Variants in RBFOX1 observed in about 807,000 individuals in gnomAD.
RBFOX1 encodes the protein RNA binding fox-1 homolog 1.
A neutral mutation model predicts 57.7 loss-of-function variants in RBFOX1; 8 were observed. The ratio of observed to expected loss-of-function variants is 0.14; its 90% CI spans 0.08 to 0.25. The LOEUF is 0.25. Ranked by LOEUF, RBFOX1 falls within the 10% of genes least tolerant of loss-of-function variation. The pLI, the probability that RBFOX1 is intolerant of heterozygous loss-of-function variation, is 1.00. For missense variants in RBFOX1, 611 were observed against 548.5 expected, an observed-to-expected ratio of 1.11 and a Z score of -1.14; for synonymous variants, 326 against 222.4, an observed-to-expected ratio of 1.47 and a Z score of -4.15.
intron 3 of RBFOX1, among the ~76,000 whole-genome samples, chr16:5,731,370 C>T (rs143539009): frequency 6.6e-6 from 1 of 152,190 alleles, no homozygotes; most frequent in East Asian, 1.9e-4. Flanking sequence ...TTCATATTTA[C>T]AAAGTACTTT....
chr16:6,964,703 G>T (rs114162311), intron 3 of RBFOX1, among the ~76,000 whole-genome samples: 483 of 152,278 alleles, frequency 3.2e-3, no homozygotes, highest in African/African-American at 0.011. Flanking sequence ...ATCACAAAGG[G>T]TGTCTCTGAT....
chr16:7,098,908 A>G (rs1427820505), intron 4 of RBFOX1, among the ~76,000 whole-genome samples: 1 of 152,172 alleles, frequency 6.6e-6, no homozygotes, highest in African/African-American at 2.4e-5. Context: ...CATCTTTAAA[A>G]TGGGACTGTT....
chr16:6,234,614 A>G (rs527472909), intron 1 of RBFOX1, among the ~76,000 whole-genome samples: 12 of 152,292 alleles, frequency 7.9e-5, no homozygotes, highest in Admixed American at 2.0e-4. Context: ...CTGGAGAATA[A>G]TGACTCTCAG....
chr16:6,788,621 G>T (rs2082371715), intron 3 of RBFOX1, among the ~76,000 whole-genome samples: 1 of 151,872 alleles, frequency 6.6e-6, no homozygotes, highest in African/African-American at 2.4e-5. Context: ...AACTACAGGT[G>T]CCTACGACCA....
At chr16:5,790,335 G>T (rs1364842318) in intron 3 of RBFOX1, among the ~76,000 whole-genome samples, 1 of 152,134 alleles carries the variant, frequency 6.6e-6, no homozygotes, top group Admixed American at 6.5e-5. Context: ...GCCAGAGGGA[G>T]AAACCCCTGC....
intron 3 of RBFOX1, among the ~76,000 whole-genome samples, chr16:6,826,181 C>T (rs1486517700): frequency 6.6e-6 from 1 of 152,044 alleles, no homozygotes; most frequent in Non-Finnish European, 1.5e-5. Flanking sequence ...ATCGTCGCCA[C>T]GTAGGTTGTA....
chr16:6,370,222 G>T (rs914999343), intron 2 of RBFOX1, among the ~76,000 whole-genome samples: 1 of 151,770 alleles, frequency 6.6e-6, no homozygotes, highest in Non-Finnish European at 1.5e-5. Flanking sequence ...GCTGGGCGGG[G>T]TGGCGGGCGG....
intron 4 of RBFOX1, among the ~76,000 whole-genome samples, chr16:7,263,295 G>C (rs969870387): frequency 6.6e-6 from 1 of 152,156 alleles, no homozygotes; most frequent in Non-Finnish European, 1.5e-5. Flanking sequence ...AAGATGCTTT[G>C]AAAGACCTGT....
At chr16:5,335,056 G>A (rs907158057) in intron 1 of RBFOX1, among the ~76,000 whole-genome samples, 12 of 152,120 alleles carry the variant, frequency 7.9e-5, no homozygotes, top group African/African-American at 2.9e-4. Context: ...AAAAAAAGTT[G>A]TTTCAATTTC....
chr16:5,650,163 A>G (rs558300068), intron 3 of RBFOX1, among the ~76,000 whole-genome samples: 9 of 152,134 alleles, frequency 5.9e-5, no homozygotes, highest in African/African-American at 1.7e-4. Context: ...CCCACCCCCA[A>G]CTCCTGGTGA....
At chr16:6,036,153 T>C (rs2095362563) in intron 1 of RBFOX1, among the ~76,000 whole-genome samples, 1 of 152,092 alleles carries the variant, frequency 6.6e-6, no homozygotes, top group Non-Finnish European at 1.5e-5. Flanking sequence ...ACTGAGACAA[T>C]TCCCTCAGCA....
intron 3 of RBFOX1, among the ~76,000 whole-genome samples, chr16:5,626,509 T>A (rs894666856): frequency 1.9e-4 from 29 of 152,190 alleles, no homozygotes; most frequent in African/African-American, 6.8e-4. Flanking sequence ...GTTAGGACTT[T>A]AACATATGAA....
At chr16:7,448,802 T>G (rs1403518029) in intron 4 of RBFOX1, among the ~76,000 whole-genome samples, 1 of 152,156 alleles carries the variant, frequency 6.6e-6, no homozygotes, top group Non-Finnish European at 1.5e-5. Flanking sequence ...CTAATCTTCT[T>G]GTAAGGGCAC....
intron 3 of RBFOX1, among the ~76,000 whole-genome samples, chr16:6,842,146 AAAAAAT>A (rs1322300228): frequency 2.9e-5 from 4 of 139,568 alleles, no homozygotes; most frequent in South Asian, 4.4e-4. Flanking sequence ...GTCTCAGAAA[AAAAAAT>A]AAAAAATAAA....
intron 3 of RBFOX1, among the ~76,000 whole-genome samples, chr16:6,909,822 C>G (rs1487610344): frequency 1.3e-5 from 2 of 152,126 alleles, no homozygotes; most frequent in Non-Finnish European, 2.9e-5. Context: ...TGATCTAAAG[C>G]AAGGTGTGCA....
At chr16:7,626,460 G>A (rs1198737816) in intron 10 of RBFOX1, among the ~76,000 whole-genome samples, 2 of 152,176 alleles carry the variant, frequency 1.3e-5, no homozygotes, top group Admixed American at 6.5e-5. Flanking sequence ...TGGGGATGCC[G>A]ATGATCCCGG....
chr16:6,673,235 C>G (rs1042704657), intron 3 of RBFOX1, among the ~76,000 whole-genome samples: 2 of 152,162 alleles, frequency 1.3e-5, no homozygotes, highest in African/African-American at 2.4e-5. Flanking sequence ...TCTCTATCCA[C>G]TCTCTGATCC....
chr16:7,084,076 C>G (rs1459882676), intron 4 of RBFOX1, among the ~76,000 whole-genome samples: 1 of 152,162 alleles, frequency 6.6e-6, no homozygotes, highest in Admixed American at 6.5e-5. Context: ...GGCTTCTGAT[C>G]AAACGTCTGC....
intron 4 of RBFOX1, among the ~76,000 whole-genome samples, chr16:7,210,204 T>C (rs1401806770): frequency 6.6e-6 from 1 of 152,108 alleles, no homozygotes; most frequent in Non-Finnish European, 1.5e-5. Context: ...ACACAACCAA[T>C]AGGATACTTC....
Sources: allele counts gnomAD v4.1 joint callset (sites outside exome capture counted in the v4.1 genomes callset), GRCh38; gene constraint gnomAD v4.1.1; transcripts MANE v1.5; gene names NCBI Gene and HGNC (gene_info 2026-07-23, HGNC 2026-07-21).